PAQR3: variants seen among roughly 807,000 people sequenced by gnomAD.
PAQR3 encodes Raf kinase trapping to Golgi.
In PAQR3, 39 loss-of-function variants were observed where a neutral mutation model predicts 41.7. The observed-to-expected ratio is 0.93, with a 90% CI of 0.72 to 1.22. PAQR3 has a LOEUF of 1.22. PAQR3 is among the 50% of genes most tolerant of loss of function. PAQR3 has a pLI of 0.00. For missense variants in PAQR3, 366 were observed against 385.6 expected (o/e 0.95, Z 0.42); for synonymous variants, 140 against 140.6 (o/e 1.00, Z 0.03).
At chr4:78,922,792 T>C (rs1735790371) in intron 5 of PAQR3, 1 of 398,020 alleles carries the variant, frequency 2.5e-6, no homozygotes, top group Non-Finnish European at 4.9e-6. Context: ...ATGTTTTAGA[T>C]AGGAAAACTG....
chr4:78,906,824 C>T (rs1047499083), intron 10 of PAQR3, among the ~76,000 whole-genome samples: 1 of 152,088 alleles, frequency 6.6e-6, no homozygotes, highest in Admixed American at 6.6e-5. Flanking sequence ...GTTCAGGCAC[C>T]GTTCTAAGTC....
Position 78,921,820 on chromosome 4 carries a change from T to C in PAQR3, c.794-1139A>G, listed in dbSNP as rs529363249. Reference sequence around the variant, plus strand: ...TATGAACATTTGAGACTATCACTTTTCACTGGAAAGACTTAATTTTTTAGT... The same window carrying C: ...TATGAACATTTGAGACTATCACTTTCCACTGGAAAGACTTAATTTTTTAGT... On this transcript the variant is annotated intron_variant, in intron 5 of 5. Coordinates refer to ENST00000512733, the MANE Select transcript of PAQR3 (RefSeq NM_001040202.2). The C allele has an allele frequency of 6.6e-5, 65 of 985,174 alleles. 1 individual carries two copies. The African/African-American group carries it at 8.5e-4, about 13-fold the overall frequency. The allele number at this position is 985,174 out of a possible 1,614,324, so 61.0% of individuals were successfully genotyped here.
intron 1 of PAQR3, 136 bp from the exon 2 acceptor site, chr4:78,935,419 TTGATA>T (rs1388862953): frequency 1.0e-5 from 6 of 593,946 alleles, no homozygotes; most frequent in Middle Eastern, 4.6e-4. Flanking sequence ...CTTTCTAAAT[TTGATA>T]TATTATCTAA....
intron 3 of PAQR3, among the ~76,000 whole-genome samples, chr4:78,929,394 T>C (rs914036054): frequency 3.3e-5 from 5 of 152,356 alleles, no homozygotes; most frequent in Admixed American, 3.3e-4. Context: ...TGAGATGTAC[T>C]GAAACCATGG....
Position 78,939,269 on chromosome 4 carries a change from T to C in PAQR3, c.-45A>G. The C allele has an allele frequency of 6.5e-7, 1 of 1,543,008 alleles. No individual in the cohort carries two copies. Among genetic ancestry groups the C allele is most frequent in the Non-Finnish European group, 8.7e-7 (1 of 1,147,664 alleles). The stretch of plus-strand genomic sequence containing the variant: ...TCCCCGGCTCGGGAGCTCCCCCAGG[T>C]CCCGCCTCCCCGGGGAGGGGGCTTC... On this transcript the variant is annotated 5_prime_UTR_variant, in exon 1 of 6. Coordinates refer to ENST00000512733, the MANE Select transcript of PAQR3 (RefSeq NM_001040202.2).
chr4:78,930,449 G>T, intron 2 of PAQR3, 124 bp from the exon 3 acceptor site: 1 of 992,016 alleles, frequency 1.0e-6, no homozygotes, highest in Non-Finnish European at 1.4e-6. Context: ...TTGGATTCTA[G>T]CTCTGTGCCT....
At chr4:78,903,757 C>T (rs755359148) in intron 11 of PAQR3, among the ~76,000 whole-genome samples, 2 of 151,856 alleles carry the variant, frequency 1.3e-5, no homozygotes, top group Non-Finnish European at 2.9e-5. Flanking sequence ...TCATCCTGTT[C>T]GTGGCTTTTA....
intron 2 of PAQR3, among the ~76,000 whole-genome samples, chr4:78,932,912 C>T (rs1178503842): frequency 6.6e-6 from 1 of 152,122 alleles, no homozygotes; most frequent in Non-Finnish European, 1.5e-5. Context: ...AAGTTTCCTT[C>T]TATGGAGTAC....
chr4:78,923,738 GAATCATTTCCATAATCAATAATATTAAA>G, intron 5 of PAQR3, 91 bp downstream of exon 5: 2 of 732,292 alleles, frequency 2.7e-6, no homozygotes, highest in South Asian at 3.3e-5. Flanking sequence ...GGAAAGAGAG[GAATCATTTCCATAATCAATAATATTAAA>G]AAATGAAACT....
chr4:78,911,781 C>A, downstream of PAQR3: 2 of 1,614,004 alleles, frequency 1.2e-6, no homozygotes, highest in South Asian at 1.1e-5. Context: ...ATTCTCCAGA[C>A]CTGTCATGGC....
intron 11 of PAQR3, among the ~76,000 whole-genome samples, chr4:78,903,290 C>T (rs1734110081): frequency 6.6e-6 from 1 of 151,926 alleles, no homozygotes; most frequent in Non-Finnish European, 1.5e-5. Context: ...TTACCTTGGT[C>T]ACTCATTTTC....
intron 1 of PAQR3, among the ~76,000 whole-genome samples, chr4:78,936,462 A>G (rs1737436388): frequency 6.6e-6 from 1 of 152,218 alleles, no homozygotes; most frequent in African/African-American, 2.4e-5. Context: ...TAACAATGAA[A>G]GTGAGAACCA....
chr4:78,925,867 A>G (rs1736139254), intron 4 of PAQR3, among the ~76,000 whole-genome samples: 1 of 152,208 alleles, frequency 6.6e-6, no homozygotes, highest in Admixed American at 6.5e-5. Context: ...CTGAGTTCTC[A>G]CTGAGACTCT....
chr4:78,930,411 T>C, intron 2 of PAQR3, 86 bp from the exon 3 acceptor site: 2 of 1,371,116 alleles, frequency 1.5e-6, no homozygotes, highest in African/African-American at 2.9e-5. Flanking sequence ...GTTAAGAGGC[T>C]AGGCTTTCAA....
rs760407731 is a variant in PAQR3, at chr4:78,914,812, G to A, written c.*5727C>T. The A allele has an allele frequency of 1.1e-4, 16 of 151,238 alleles. No individual in the cohort carries two copies. Among genetic ancestry groups the A allele is most frequent in the South Asian group, 4.2e-4 (2 of 4,814 alleles). 9.4% of individuals were successfully genotyped at this position (151,238 alleles called of 1,614,324 possible). ...TTAGGATGTAGTTATAACTAAACCT[G>A]TTATACTTGAACATCACTAAGAGAA... On this transcript the variant is annotated 3_prime_UTR_variant, in exon 6 of 6. Coordinates refer to ENST00000512733, the MANE Select transcript of PAQR3 (RefSeq NM_001040202.2).
At position 78,919,401 on chromosome 4, in the gene PAQR3, G is replaced by C; in HGVS notation, c.*1138C>G. 1.0e-6 allele frequency: 1 copy of C among 984,520 alleles called. No individual in the cohort carries two copies. The highest frequency in any genetic ancestry group is 1.2e-6 in the Non-Finnish European group (1 of 829,184). 61.0% of individuals were successfully genotyped at this position (984,520 alleles called of 1,614,324 possible). A position where few individuals can be genotyped will look rare whatever the true frequency, so the allele number is the denominator to read the frequency against. On this transcript the variant is annotated 3_prime_UTR_variant, in exon 6 of 6. Coordinates refer to ENST00000512733, the MANE Select transcript of PAQR3 (RefSeq NM_001040202.2). ...GAGGGCTACAATGTATGATAGGGCA[G>C]TGAGTTCTATTTTTTAAGTATATAC...
chr4:78,932,830 A>G (rs1560582883), intron 2 of PAQR3, among the ~76,000 whole-genome samples: 1 of 152,180 alleles, frequency 6.6e-6, no homozygotes, highest in Non-Finnish European at 1.5e-5. Flanking sequence ...AAGAAGGAAT[A>G]TGTTATTCCT....
Position 78,917,063 on chromosome 4 carries a change from T to C in PAQR3, c.*3476A>G, listed in dbSNP as rs1735150443. 1 of 152,012 alleles carries C rather than the reference T, an allele frequency of 6.6e-6. No individual in the cohort carries two copies. The highest frequency in any genetic ancestry group is 1.5e-5 in the Non-Finnish European group (1 of 67,900). The allele number at this position is 152,012 out of a possible 1,614,324, so 9.4% of individuals were successfully genotyped here. On this transcript the variant is annotated 3_prime_UTR_variant, in exon 6 of 6. Transcript: ENST00000512733. The stretch of plus-strand genomic sequence containing the variant: ...AACACAAATGATTAGAAAAGTTCTA[T>C]TAACAAAGAATAGTTTGCAGTGTAT...
At chr4:78,898,551 AGAAAG>A (rs1332976071) in intron 11 of PAQR3, among the ~76,000 whole-genome samples, 1 of 151,030 alleles carries the variant, frequency 6.6e-6, no homozygotes, top group Admixed American at 6.6e-5. Flanking sequence ...AATACAGTCT[AGAAAG>A]ATTACACTGG....
Sources: allele counts gnomAD v4.1 joint callset (sites outside exome capture counted in the v4.1 genomes callset), GRCh38; gene constraint gnomAD v4.1.1; transcripts MANE v1.5; gene names NCBI Gene and HGNC (gene_info 2026-07-23, HGNC 2026-07-21).